Variants in PLEKHA5 observed in about 807,000 individuals in gnomAD.
PLEKHA5 encodes the protein pleckstrin homology domain containing A5.
PLEKHA5 carries 55 observed loss-of-function variants against 181.9 expected under a neutral mutation model. The observed-to-expected ratio is 0.30, with a 90% CI of 0.24 to 0.38. PLEKHA5 has a LOEUF of 0.38. PLEKHA5 is among the 10% of genes least tolerant of loss of function. The probability of loss-of-function intolerance (pLI) is 1.00; values close to 1 mark genes in which losing one functional copy is unlikely to be tolerated. For synonymous variants in PLEKHA5, 535 were observed against 529.4 expected, an observed-to-expected ratio of 1.01 and a Z score of -0.15; for missense variants, 1,432 against 1,549.5, an observed-to-expected ratio of 0.92 and a Z score of 1.27.
chr12:19,162,105 A>G (rs2043095132), intron 3 of PLEKHA5, among the ~76,000 whole-genome samples: 1 of 152,164 alleles, frequency 6.6e-6, no homozygotes, highest in South Asian at 2.1e-4. Context: ...AATAGTGAAA[A>G]TAAAGGAAAA....
chr12:19,245,708 C>T (rs949193239), intron 3 of PLEKHA5, among the ~76,000 whole-genome samples: 1 of 104,672 alleles, frequency 9.6e-6, no homozygotes, highest in Non-Finnish European at 1.7e-5. Flanking sequence ...GCCTGGGGAA[C>T]GAGAGTGAGA....
At chr12:19,277,392 T>C (rs2074888793) in intron 11 of PLEKHA5, among the ~76,000 whole-genome samples, 1 of 152,118 alleles carries the variant, frequency 6.6e-6, no homozygotes, top group African/African-American at 2.4e-5. Flanking sequence ...TAAATACTAG[T>C]TTTAGGTTCC....
At chr12:19,195,294 T>C (rs1476835163) in intron 3 of PLEKHA5, among the ~76,000 whole-genome samples, 1 of 151,996 alleles carries the variant, frequency 6.6e-6, no homozygotes, top group African/African-American at 2.4e-5. Flanking sequence ...AACCCCTTTT[T>C]CCCCCCATTT....
intron 15 of PLEKHA5, among the ~76,000 whole-genome samples, chr12:19,309,585 G>A (rs556706340): frequency 6.6e-6 from 1 of 151,966 alleles, no homozygotes; most frequent in South Asian, 2.1e-4. Context: ...GTGAAACCCC[G>A]TCTTTACTAA....
intron 3 of PLEKHA5, among the ~76,000 whole-genome samples, chr12:19,241,595 A>G: frequency 6.6e-6 from 1 of 152,090 alleles, no homozygotes. Context: ...CGTCTCTACT[A>G]AAAATACACA....
chr12:19,254,963 C>G, intron 4 of PLEKHA5, 82 bp from the exon 5 acceptor site: 1 of 1,197,804 alleles, frequency 8.3e-7, no homozygotes. Flanking sequence ...GTAGGACACT[C>G]GCATTGTTAA....
chr12:19,192,804 G>A (rs1261723925), intron 3 of PLEKHA5, among the ~76,000 whole-genome samples: 1 of 152,204 alleles, frequency 6.6e-6, no homozygotes, highest in South Asian at 2.1e-4. Flanking sequence ...TCAGAGGCAT[G>A]TGGTACTAAG....
At chr12:19,283,142 T>A (rs2076535293) in intron 11 of PLEKHA5, 138 bp from the exon 12 acceptor site, 1 of 458,288 alleles carries the variant, frequency 2.2e-6, no homozygotes, top group Non-Finnish European at 3.5e-6. Context: ...GCGAGACTCT[T>A]GTCTCCCAAA....
chr12:19,155,194 A>T (rs993999848), intron 3 of PLEKHA5, among the ~76,000 whole-genome samples: 2 of 152,158 alleles, frequency 1.3e-5, no homozygotes, highest in Non-Finnish European at 2.9e-5. Flanking sequence ...CACTAGGAAG[A>T]CCTCACAAGC....
intron 29 of PLEKHA5, among the ~76,000 whole-genome samples, chr12:19,362,821 T>C (rs2095296391): frequency 6.6e-6 from 1 of 151,646 alleles, no homozygotes; most frequent in Non-Finnish European, 1.5e-5. Flanking sequence ...GCATATAAGC[T>C]GTAGCAGAGT....
chr12:19,241,197 G>A (rs2062513809), intron 3 of PLEKHA5, among the ~76,000 whole-genome samples: 1 of 152,130 alleles, frequency 6.6e-6, no homozygotes, highest in African/African-American at 2.4e-5. Context: ...CTGTTATATG[G>A]TGAGGACTCT....
chr12:19,279,820 A>C (rs1307500563), intron 11 of PLEKHA5, among the ~76,000 whole-genome samples: 1 of 151,838 alleles, frequency 6.6e-6, no homozygotes, highest in Non-Finnish European at 1.5e-5. Context: ...GGCTGTCTTG[A>C]TTTTTGATCA....
chr12:19,309,019 G>A (rs1292813227), intron 15 of PLEKHA5, among the ~76,000 whole-genome samples: 6 of 151,696 alleles, frequency 4.0e-5, no homozygotes, highest in African/African-American at 7.3e-5. Context: ...CCGAGATTGC[G>A]CTACTGCACT....
intron 25 of PLEKHA5, among the ~76,000 whole-genome samples, chr12:19,349,840 C>G (rs1439275001): frequency 6.6e-6 from 1 of 151,606 alleles, no homozygotes; most frequent in Non-Finnish European, 1.5e-5. Flanking sequence ...TGGCTGGGCA[C>G]GGTGGCTCAC....
intron 15 of PLEKHA5, among the ~76,000 whole-genome samples, chr12:19,301,253 G>T (rs1192230900): frequency 6.6e-6 from 1 of 152,162 alleles, no homozygotes; most frequent in African/African-American, 2.4e-5. Flanking sequence ...CTTCAGGAAT[G>T]TTTTTTCACT....
intron 3 of PLEKHA5, among the ~76,000 whole-genome samples, chr12:19,144,850 G>A (rs143394659): frequency 9.9e-5 from 15 of 152,260 alleles, no homozygotes; most frequent in East Asian, 1.9e-4. Context: ...ATCAAAGTAA[G>A]TCATGAACTT....
intron 3 of PLEKHA5, among the ~76,000 whole-genome samples, chr12:19,245,444 T>C (rs2063486561): frequency 6.6e-6 from 1 of 152,108 alleles, no homozygotes; most frequent in African/African-American, 2.4e-5. Context: ...ATCTCATATC[T>C]CTGACTAGTG....
At position 19,247,926 on chromosome 12, in the gene PLEKHA5, T is replaced by TA. The variant is rs1174796217; in HGVS notation, c.228-6004dup. 5.2e-4 allele frequency among the ~76,000 whole-genome samples: 76 copies of TA among 144,952 alleles called. No homozygotes were observed. The East Asian group carries it at 6.8e-3, about 13-fold the overall frequency. The stretch of plus-strand genomic sequence containing the variant: ...AATTAACTTTTAATTTAAATTTAAT[T>TA]AAAAAAAAAAGAGAGAGAGAGAGAG... On this transcript the variant is annotated intron_variant, in intron 3 of 31. Coordinates refer to ENST00000429027, the MANE Select transcript of PLEKHA5 (RefSeq NM_001256470.2).
chr12:19,205,346 C>CT (rs879429814), intron 3 of PLEKHA5: 102 of 983,776 alleles, frequency 1.0e-4, no homozygotes, highest in Middle Eastern at 1.0e-3. Flanking sequence ...CGGTGTGCCC[C>CT]TTTGTCATCG....
Sources: gnomAD v4.1 joint callset for allele counts (sites outside exome capture counted in the v4.1 genomes callset) on GRCh38, gnomAD v4.1.1 for gene constraint, MANE v1.5 for transcripts, NCBI Gene and HGNC (gene_info 2026-07-23, HGNC 2026-07-21) for gene names.